The following LRRC7 variants were observed in gnomAD, a reference collection of about 807,000 sequenced individuals.
LRRC7 encodes the protein leucine rich repeat containing 7, also known as leucine-rich repeat-containing protein 7.
In LRRC7, 23 loss-of-function variants were observed where a neutral mutation model predicts 175.7. The observed-to-expected ratio is 0.13, with a 90% CI of 0.09 to 0.19. The LOEUF is 0.19. Ranked by LOEUF, LRRC7 falls within the 10% of genes least tolerant of loss-of-function variation. LRRC7 has a pLI of 1.00. For synonymous variants in LRRC7, 685 were observed against 680.9 expected, an observed-to-expected ratio of 1.01 and a Z score of -0.09; for missense variants, 1,354 against 1,904.7, an observed-to-expected ratio of 0.71 and a Z score of 5.38.
intron 1 of LRRC7, among the ~76,000 whole-genome samples, chr1:69,656,554 T>C (rs529297105): frequency 6.6e-6 from 1 of 152,150 alleles, no homozygotes; most frequent in African/African-American, 2.4e-5. Context: ...AACTAACATA[T>C]TTTGGGGAAC....
At chr1:69,610,956 G>C (rs1464959934) in intron 1 of LRRC7, among the ~76,000 whole-genome samples, 1 of 151,818 alleles carries the variant, frequency 6.6e-6, no homozygotes, top group Non-Finnish European at 1.5e-5. Context: ...GCAGCTTTAT[G>C]ATGACAAGAT....
chr1:69,761,474 TA>T (rs1557694129), intron 3 of LRRC7, among the ~76,000 whole-genome samples: 2 of 152,044 alleles, frequency 1.3e-5, no homozygotes, highest in African/African-American at 4.8e-5. Flanking sequence ...TTGTGCTGTT[TA>T]CATAACACTT....
intron 25 of LRRC7, 53 bp downstream of exon 25, chr1:70,089,872 A>G (rs987830305): frequency 7.8e-7 from 1 of 1,278,018 alleles, no homozygotes; most frequent in African/African-American, 1.5e-5. Context: ...ACTATCTCCT[A>G]CAGTAACAAA....
chr1:70,086,995 A>G (rs992958678), intron 24 of LRRC7, among the ~76,000 whole-genome samples: 6 of 152,198 alleles, frequency 3.9e-5, no homozygotes, highest in African/African-American at 1.4e-4. Context: ...GAGACCCAGT[A>G]GTCACAATAC....
intron 1 of LRRC7, among the ~76,000 whole-genome samples, chr1:69,669,261 T>A (rs1441371966): frequency 6.6e-6 from 1 of 152,218 alleles, no homozygotes; most frequent in East Asian, 1.9e-4. Context: ...AGAACAGATC[T>A]GGTGTTGATG....
At chr1:69,986,541 A>C (rs1653949828) in intron 10 of LRRC7, among the ~76,000 whole-genome samples, 155 bp downstream of exon 10, 2 of 152,216 alleles carry the variant, frequency 1.3e-5, no homozygotes, top group African/African-American at 2.4e-5. Flanking sequence ...AGTATCTAAC[A>C]AATATCTTAA....
intron 7 of LRRC7, among the ~76,000 whole-genome samples, chr1:69,914,752 A>C (rs527473236): frequency 2.8e-4 from 43 of 152,278 alleles, no homozygotes; most frequent in Middle Eastern, 6.8e-3. Flanking sequence ...AAATCTGGCA[A>C]GTCTGTTTTT....
chr1:70,003,393 G>A (rs867841471), intron 11 of LRRC7, among the ~76,000 whole-genome samples: 1 of 152,124 alleles, frequency 6.6e-6, no homozygotes, highest in Non-Finnish European at 1.5e-5. Flanking sequence ...GAGATGAGGT[G>A]TTTGAAATTG....
chr1:70,032,033 A>G (rs1571096253), intron 18 of LRRC7, among the ~76,000 whole-genome samples: 2 of 152,266 alleles, frequency 1.3e-5, no homozygotes, highest in African/African-American at 4.8e-5. Flanking sequence ...TCCTGACATC[A>G]TAATCCACCC....
chr1:70,027,007 G>A (rs1274025107), intron 17 of LRRC7, among the ~76,000 whole-genome samples: 1 of 152,076 alleles, frequency 6.6e-6, no homozygotes, highest in Non-Finnish European at 1.5e-5. Context: ...ACATGGGTGT[G>A]TGGGGGTGGG....
intron 1 of LRRC7, among the ~76,000 whole-genome samples, chr1:69,623,878 TG>T (rs1484854722): frequency 6.6e-6 from 1 of 152,330 alleles, no homozygotes; most frequent in South Asian, 2.1e-4. Context: ...TGTTCATTTT[TG>T]TATAGCTTCT....
chr1:69,677,951 CCTT>C (rs1007232779), intron 1 of LRRC7, among the ~76,000 whole-genome samples: 3 of 152,056 alleles, frequency 2.0e-5, no homozygotes, highest in Middle Eastern at 6.8e-3. Context: ...GAGAAGTCTA[CCTT>C]TTTCCCTTTT....
At chr1:69,624,385 CTTAT>C (rs1273607298) in intron 1 of LRRC7, among the ~76,000 whole-genome samples, 8 of 151,992 alleles carry the variant, frequency 5.3e-5, no homozygotes, top group African/African-American at 1.4e-4. Context: ...TCATTTTGGT[CTTAT>C]TTATTAATAG....
At chr1:69,968,426 C>A (rs913301826) in intron 8 of LRRC7, among the ~76,000 whole-genome samples, 7 of 152,180 alleles carry the variant, frequency 4.6e-5, no homozygotes, top group African/African-American at 1.2e-4. Context: ...AAGAACTAGA[C>A]ATCTGAATAC....
At chr1:69,959,657 C>T (rs1650844583) in intron 8 of LRRC7, among the ~76,000 whole-genome samples, 1 of 151,962 alleles carries the variant, frequency 6.6e-6, no homozygotes, top group Non-Finnish European at 1.5e-5. Context: ...GAACTGGAGC[C>T]ACAGAGATGA....
intron 2 of LRRC7, among the ~76,000 whole-genome samples, chr1:69,700,095 T>TGATCTAGGGGTCCAAAAGGTACA (rs1663153780): frequency 6.6e-6 from 1 of 152,152 alleles, no homozygotes; most frequent in African/African-American, 2.4e-5. Context: ...CTTAAATCAG[T>TGATCTAGGGGTCCAAAAGGTACA]GATCTAGGGG....
At chr1:69,596,610 A>C (rs1646856853) in intron 1 of LRRC7, among the ~76,000 whole-genome samples, 1 of 152,178 alleles carries the variant, frequency 6.6e-6, no homozygotes, top group Admixed American at 6.5e-5. Context: ...GGGACAAACT[A>C]TTTTCTTTCA....
chr1:69,864,172 A>G (rs2101546733), intron 7 of LRRC7, among the ~76,000 whole-genome samples: 1 of 152,326 alleles, frequency 6.6e-6, no homozygotes, highest in South Asian at 2.1e-4. Context: ...AAAAGAAGAA[A>G]ATAATAATAA....
At chr1:69,609,115 A>G (rs1188996898) in intron 1 of LRRC7, among the ~76,000 whole-genome samples, 1 of 151,578 alleles carries the variant, frequency 6.6e-6, no homozygotes, top group Non-Finnish European at 1.5e-5. Flanking sequence ...TGGGAGAAAA[A>G]CTAGTCTGTA....
Sources: gnomAD v4.1 joint callset for allele counts (sites outside exome capture counted in the v4.1 genomes callset) on GRCh38, gnomAD v4.1.1 for gene constraint, MANE v1.5 for transcripts, NCBI Gene and HGNC (gene_info 2026-07-23, HGNC 2026-07-21) for gene names.